Variants in SF3A3 observed in about 807,000 individuals in gnomAD.
SF3A3 encodes splicing factor 3a subunit 3, also known as SAP 61.
SF3A3 carries 9 observed loss-of-function variants against 85.8 expected under a neutral mutation model. The observed-to-expected ratio is 0.10, with a 90% CI of 0.06 to 0.18. The LOEUF (loss-of-function observed/expected upper bound fraction) is 0.18, where lower values mean the gene tolerates loss of function less well. SF3A3 is among the 10% of genes least tolerant of loss of function. The pLI, the probability that SF3A3 is intolerant of heterozygous loss-of-function variation, is 1.00. For synonymous variants in SF3A3, 195 were observed against 204.4 expected (o/e 0.95, Z 0.39); for missense variants, 306 against 593.3 (o/e 0.52, Z 5.03).
Position 37,984,686 on chromosome 1 carries a change from GAAATTTTCACCCC to G in SF3A3, c.376+8_376+20del. 1 of 1,550,748 alleles carries G rather than the reference GAAATTTTCACCCC, an allele frequency of 6.4e-7. No individual in the cohort carries two copies. Among genetic ancestry groups the G allele is most frequent in the Non-Finnish European group, 8.9e-7 (1 of 1,122,276 alleles). On this transcript the variant is annotated splice_region_variant and intron_variant, in intron 5 of 16. Transcript: ENST00000373019. The stretch of plus-strand genomic sequence containing the variant: ...ACCTGTATTTTTGCTGGTGCTGAAT[GAAATTTTCACCCC>G]TACTTACTTTGTGCCTCTTCACTTG...
At chr1:37,971,226 A>G (rs1003586940) in intron 12 of SF3A3, among the ~76,000 whole-genome samples, 1 of 139,880 alleles carries the variant, frequency 7.1e-6, no homozygotes, top group African/African-American at 2.6e-5. Flanking sequence ...TACTATAAAC[A>G]CCTCTACACA....
intron 4 of SF3A3, among the ~76,000 whole-genome samples, chr1:37,986,910 C>T (rs1348576664): frequency 6.6e-6 from 1 of 150,628 alleles, no homozygotes; most frequent in Non-Finnish European, 1.5e-5. Context: ...AGGATTAGGA[C>T]AGGATAGCCT....
At chr1:37,971,437 G>C (rs1206042164) in intron 12 of SF3A3, among the ~76,000 whole-genome samples, 1 of 152,144 alleles carries the variant, frequency 6.6e-6, no homozygotes, top group African/African-American at 2.4e-5. Context: ...TACAAAAAGA[G>C]CTGGTACCAT....
intron 14 of SF3A3, 55 bp downstream of exon 14, chr1:37,969,299 A>G (rs1646323065): frequency 1.5e-6 from 2 of 1,331,362 alleles, no homozygotes; most frequent in Non-Finnish European, 2.2e-6. Flanking sequence ...TCTTTTCTCT[A>G]AAAGTCTCAT....
At chr1:37,962,459 T>C (rs1355232223) in intron 15 of SF3A3, among the ~76,000 whole-genome samples, 2 of 150,972 alleles carry the variant, frequency 1.3e-5, no homozygotes, top group Non-Finnish European at 3.0e-5. Flanking sequence ...CAAAATTAAC[T>C]GGGCATGGTG....
intron 14 of SF3A3, among the ~76,000 whole-genome samples, chr1:37,968,383 TA>T (rs1176302101): frequency 4.6e-5 from 7 of 152,316 alleles, no homozygotes; most frequent in African/African-American, 1.7e-4. Context: ...CCAGTAGTCT[TA>T]TACATAAAAC....
chr1:37,986,645 A>C (rs925857057), intron 4 of SF3A3, among the ~76,000 whole-genome samples: 1 of 151,890 alleles, frequency 6.6e-6, no homozygotes, highest in Non-Finnish European at 1.5e-5. Context: ...CCCTGTCTCA[A>C]CTAAAAAATA....
intron 12 of SF3A3, 58 bp from the exon 13 acceptor site, chr1:37,969,793 ATTTCCTGT>A: frequency 1.3e-6 from 2 of 1,577,270 alleles, no homozygotes; most frequent in South Asian, 1.1e-5. Context: ...AAGAAGGGAA[ATTTCCTGT>A]TTTCCTGTAA....
intron 12 of SF3A3, among the ~76,000 whole-genome samples, chr1:37,973,954 C>T (rs1444494718): frequency 1.3e-5 from 2 of 152,052 alleles, no homozygotes; most frequent in African/African-American, 4.8e-5. Context: ...AGCTAGAAAC[C>T]ATCATTCTGA....
chr1:37,989,046 C>T (rs932582504), intron 2 of SF3A3, among the ~76,000 whole-genome samples: 4 of 152,030 alleles, frequency 2.6e-5, no homozygotes, highest in African/African-American at 9.7e-5. Flanking sequence ...AATCTCAGCA[C>T]TTTGGGAGGC....
chr1:37,977,512 G>A (rs1208757673), intron 11 of SF3A3, among the ~76,000 whole-genome samples: 2 of 152,018 alleles, frequency 1.3e-5, no homozygotes, highest in Non-Finnish European at 2.9e-5. Context: ...GACCAACCTC[G>A]CCAACATGGT....
chr1:37,957,953 G>A lies in SF3A3; in HGVS notation c.*233C>T, dbSNP rs1167581068. 1.2e-5 allele frequency: 6 copies of A among 516,558 alleles called. No homozygotes were observed. The highest frequency in any genetic ancestry group is 5.1e-4 in the Middle Eastern group (1 of 1,944). The allele number at this position is 516,558 out of a possible 1,614,324, so 32.0% of individuals were successfully genotyped here. ...AGCACTGAGTTGGTCCATAACCCTG[G>A]GCTTTAGAACAAGGTCTGGTTTTAT... On this transcript the variant is annotated 3_prime_UTR_variant, in exon 17 of 17. Coordinates refer to ENST00000373019, the MANE Select transcript of SF3A3 (RefSeq NM_006802.4).
intron 8 of SF3A3, 91 bp downstream of exon 8, chr1:37,980,495 C>A (rs1237399738): frequency 7.5e-7 from 1 of 1,340,354 alleles, no homozygotes; most frequent in Non-Finnish European, 1.0e-6. Context: ...GGAATTGATA[C>A]CTAATGCCCT....
intron 12 of SF3A3, among the ~76,000 whole-genome samples, chr1:37,975,049 T>C (rs1304518988): frequency 2.0e-5 from 3 of 152,184 alleles, no homozygotes; most frequent in Non-Finnish European, 4.4e-5. Flanking sequence ...GGCTGTGTCT[T>C]ATTCACTATT....
intron 6 of SF3A3, 43 bp from the exon 7 acceptor site, chr1:37,981,854 T>C: frequency 2.7e-6 from 3 of 1,129,080 alleles, no homozygotes; most frequent in Non-Finnish European, 4.0e-6. Flanking sequence ...GTTAGGTATT[T>C]ATACTGTAAC....
intron 14 of SF3A3, 81 bp from the exon 15 acceptor site, chr1:37,968,215 T>A: frequency 1.2e-6 from 1 of 830,784 alleles, no homozygotes; most frequent in Middle Eastern, 2.3e-4. Flanking sequence ...TACTCATAAA[T>A]CCTAACATGG....
At chr1:37,971,745 A>G (rs1646346204) in intron 12 of SF3A3, among the ~76,000 whole-genome samples, 1 of 152,204 alleles carries the variant, frequency 6.6e-6, no homozygotes, top group Admixed American at 6.5e-5. Context: ...AACAGAACCA[A>G]AGACAAAAAC....
At chr1:37,971,190 C>T (rs1646342555) in intron 12 of SF3A3, among the ~76,000 whole-genome samples, 1 of 152,106 alleles carries the variant, frequency 6.6e-6, no homozygotes, top group African/African-American at 2.4e-5. Context: ...ACCGATCCCA[C>T]AGAAATACAA....
At chr1:37,989,707 C>G (rs1328034581) in intron 1 of SF3A3, 112 bp from the exon 2 acceptor site, 4 of 1,383,260 alleles carry the variant, frequency 2.9e-6, no homozygotes, top group Non-Finnish European at 2.0e-6. Context: ...GCAGAAAGGC[C>G]TCTGGGGCTC....
Sources: allele counts gnomAD v4.1 joint callset (sites outside exome capture counted in the v4.1 genomes callset), GRCh38; gene constraint gnomAD v4.1.1; transcripts MANE v1.5; gene names NCBI Gene and HGNC (gene_info 2026-07-23, HGNC 2026-07-21).